EPHA6: variants seen among roughly 807,000 people sequenced by gnomAD.
EPHA6 encodes ephrin type-A receptor 6.
A neutral mutation model predicts 112.0 loss-of-function variants in EPHA6; 50 were observed. The observed-to-expected ratio is 0.45, with a 90% CI of 0.36 to 0.56. The LOEUF is 0.56. Ranked by LOEUF, EPHA6 falls within the 20% of genes least tolerant of loss-of-function variation. The pLI, the probability that EPHA6 is intolerant of heterozygous loss-of-function variation, is 0.00. For synonymous variants in EPHA6, 529 were observed against 490.7 expected, an observed-to-expected ratio of 1.08 and a Z score of -1.03; for missense variants, 1,280 against 1,417.4, an observed-to-expected ratio of 0.90 and a Z score of 1.56.
chr3:96,822,750 G>A (rs1022130790), intron 1 of EPHA6, among the ~76,000 whole-genome samples: 3 of 150,450 alleles, frequency 2.0e-5, no homozygotes, highest in Admixed American at 6.6e-5. Context: ...ACTAATAACA[G>A]TAAATTATGT....
At chr3:97,658,031 A>G (rs1334505789) in intron 14 of EPHA6, among the ~76,000 whole-genome samples, 2 of 151,868 alleles carry the variant, frequency 1.3e-5, no homozygotes, top group Non-Finnish European at 2.9e-5. Flanking sequence ...ATAGGAAGGA[A>G]AAGGAGTGAA....
intron 5 of EPHA6, among the ~76,000 whole-genome samples, chr3:97,362,831 C>T (rs573730801): frequency 5.3e-5 from 8 of 151,352 alleles, no homozygotes; most frequent in Admixed American, 3.3e-4. Flanking sequence ...TGTTTATGGT[C>T]CTAGTTAGTA....
intron 5 of EPHA6, among the ~76,000 whole-genome samples, chr3:97,386,580 C>A (rs2086081723): frequency 6.6e-6 from 1 of 152,192 alleles, no homozygotes; most frequent in Non-Finnish European, 1.5e-5. Context: ...CAAGGTACAG[C>A]CCCCTTCCTC....
At chr3:97,028,325 G>A (rs892459081) in intron 3 of EPHA6, among the ~76,000 whole-genome samples, 1 of 152,048 alleles carries the variant, frequency 6.6e-6, no homozygotes, top group Non-Finnish European at 1.5e-5. Flanking sequence ...CTTTATGACT[G>A]TTTGGGGAGG....
At chr3:96,955,203 G>T (rs1359834202) in intron 2 of EPHA6, among the ~76,000 whole-genome samples, 1 of 152,064 alleles carries the variant, frequency 6.6e-6, no homozygotes, top group Non-Finnish European at 1.5e-5. Context: ...CTGTATCAAA[G>T]AATATGAAAA....
intron 5 of EPHA6, among the ~76,000 whole-genome samples, chr3:97,341,845 C>T (rs1559903088): frequency 6.6e-6 from 1 of 152,026 alleles, no homozygotes; most frequent in South Asian, 2.1e-4. Context: ...CCAGCAAAAT[C>T]AGTTTTCCAA....
At chr3:97,176,556 G>C (rs1282489045) in intron 3 of EPHA6, among the ~76,000 whole-genome samples, 1 of 151,716 alleles carries the variant, frequency 6.6e-6, no homozygotes, top group African/African-American at 2.4e-5. Context: ...TTATTTAATA[G>C]CTTTGATTTT....
Position 96,825,439 on chromosome 3 carries a change from A to G in EPHA6, c.385+10431A>G, listed in dbSNP as rs1163298719. On this transcript the variant is annotated intron_variant, in intron 1 of 17. Coordinates refer to ENST00000389672, the MANE Select transcript of EPHA6 (RefSeq NM_001080448.3). ...ATTGACAGTACATGTATGGTTTACG[A>G]TATATCCAATTTAAAATATTTCTTC... Among the ~76,000 whole-genome samples, 3 of 151,900 alleles carry G rather than the reference A, an allele frequency of 2.0e-5. No individual in the cohort carries two copies. In the East Asian group the frequency reaches 5.8e-4, roughly 29 times the overall value.
At chr3:96,950,549 T>C (rs1317529519) in intron 2 of EPHA6, among the ~76,000 whole-genome samples, 1 of 152,158 alleles carries the variant, frequency 6.6e-6, no homozygotes, top group African/African-American at 2.4e-5. Flanking sequence ...ATTTTTAAAG[T>C]TGAACCAATG....
At chr3:96,993,011 A>G (rs189344993) in intron 3 of EPHA6, among the ~76,000 whole-genome samples, 1 of 152,332 alleles carries the variant, frequency 6.6e-6, no homozygotes, top group East Asian at 1.9e-4. Flanking sequence ...ATCACAAAGC[A>G]CTGAGTAGTT....
chr3:97,522,092 G>GT (rs2092553143), intron 10 of EPHA6, among the ~76,000 whole-genome samples: 1 of 151,398 alleles, frequency 6.6e-6, no homozygotes, highest in Non-Finnish European at 1.5e-5. Context: ...GTTATTTTTT[G>GT]TTTTTAAAAT....
chr3:97,048,583 G>A (rs2045587162), intron 3 of EPHA6, among the ~76,000 whole-genome samples: 1 of 152,122 alleles, frequency 6.6e-6, no homozygotes, highest in African/African-American at 2.4e-5. Context: ...TAACAAAATA[G>A]AATTTCTTTC....
chr3:96,882,982 T>C (rs1052042990), intron 2 of EPHA6, among the ~76,000 whole-genome samples: 1 of 152,204 alleles, frequency 6.6e-6, no homozygotes, highest in Non-Finnish European at 1.5e-5. Flanking sequence ...GTTCTACTTT[T>C]AGTTCTTAAA....
At chr3:96,816,140 T>C (rs944746264) in intron 1 of EPHA6, among the ~76,000 whole-genome samples, 2 of 152,166 alleles carry the variant, frequency 1.3e-5, no homozygotes, top group Non-Finnish European at 2.9e-5. Context: ...CATTCTTCTT[T>C]GTCATCAACA....
At chr3:97,441,481 G>A (rs2090135994) in intron 6 of EPHA6, 2 of 940,998 alleles carry the variant, frequency 2.1e-6, no homozygotes, top group Admixed American at 6.2e-5. Context: ...ATGTAAGTCA[G>A]ACATAATTAT....
At chr3:97,270,484 T>C (rs1305209181) in intron 5 of EPHA6, among the ~76,000 whole-genome samples, 1 of 152,340 alleles carries the variant, frequency 6.6e-6, no homozygotes, top group East Asian at 1.9e-4. Flanking sequence ...GGGTATGTTA[T>C]TGCATTTGTA....
chr3:97,222,402 G>A (rs1020275227), intron 3 of EPHA6, among the ~76,000 whole-genome samples: 4 of 152,100 alleles, frequency 2.6e-5, no homozygotes, highest in Non-Finnish European at 5.9e-5. Context: ...AAGGCAAGTT[G>A]ATGTACAAAA....
chr3:97,460,817 C>T (rs1399881162), intron 7 of EPHA6, among the ~76,000 whole-genome samples: 1 of 152,182 alleles, frequency 6.6e-6, no homozygotes, highest in East Asian at 1.9e-4. Flanking sequence ...CATGTCAAGT[C>T]AACAGCTGCA....
In EPHA6 at chr3:96,926,399, C is replaced by T. The variant is rs928728985; in HGVS notation, c.450+59510C>T. Among the ~76,000 whole-genome samples the T allele has an allele frequency of 6.2e-4, 95 of 152,084 alleles. 2 individuals are homozygous for T. Among genetic ancestry groups the T allele is most frequent in the Non-Finnish European group, 1.2e-4 (8 of 68,020 alleles). ...TATCATTCCATCCCTGCCCCCCTGC[C>T]CCCCAACAAATCTCATATCTTCTTG... On this transcript the variant is annotated intron_variant, in intron 2 of 17. Coordinates refer to ENST00000389672, the MANE Select transcript of EPHA6 (RefSeq NM_001080448.3).
Sources: allele counts gnomAD v4.1 joint callset (sites outside exome capture counted in the v4.1 genomes callset), GRCh38; gene constraint gnomAD v4.1.1; transcripts MANE v1.5; gene names NCBI Gene and HGNC (gene_info 2026-07-23, HGNC 2026-07-21).